Variants in ANTXR2 observed in about 807,000 individuals in gnomAD.
The protein encoded by ANTXR2 is ANTXR cell adhesion molecule 2, also known as anthrax toxin receptor 2.
ANTXR2 carries 44 observed loss-of-function variants against 73.7 expected under a neutral mutation model. That is an observed-to-expected ratio of 0.60 (90% CI 0.47 to 0.77). The LOEUF is 0.77. Among genes scored for constraint, ANTXR2 ranks in the 30% least tolerant of loss-of-function variants. ANTXR2 has a pLI of 0.00. For missense variants in ANTXR2, 604 were observed against 592.5 expected, an observed-to-expected ratio of 1.02 and a Z score of -0.20; for synonymous variants, 217 against 205.9, an observed-to-expected ratio of 1.05 and a Z score of -0.46.
At chr4:79,937,416 G>A (rs1473854730) in intron 16 of ANTXR2, among the ~76,000 whole-genome samples, 4 of 152,114 alleles carry the variant, frequency 2.6e-5, no homozygotes, top group African/African-American at 9.7e-5. Flanking sequence ...TATCTTCATT[G>A]AAAGTTTCAC....
intron 12 of ANTXR2, among the ~76,000 whole-genome samples, chr4:79,994,637 ACT>A (rs1339344606): frequency 1.6e-4 from 24 of 150,078 alleles, no homozygotes; most frequent in Admixed American, 4.0e-4. Context: ...TCTCTCCATA[ACT>A]CTTCCTTTTT....
At position 80,027,387 on chromosome 4, in the gene ANTXR2, T is replaced by C. The variant is rs112739523; in HGVS notation, c.866+4236A>G. ...AAAAAAGTTGAAGAAAATAAAAAGA[T>C]TCTATTATGAAGCCAGGCTCTAACC... On this transcript the variant is annotated intron_variant, in intron 10 of 16. Coordinates refer to ENST00000403729, the MANE Select transcript of ANTXR2 (RefSeq NM_058172.6). Among the ~76,000 whole-genome samples, 1,113 of 152,168 alleles carry C rather than the reference T, an allele frequency of 7.3e-3. 10 individuals are homozygous for C. The highest frequency in any genetic ancestry group is 0.025 in the African/African-American group (1,044 of 41,530).
At chr4:79,929,465 T>C (rs1471944964) in intron 16 of ANTXR2, among the ~76,000 whole-genome samples, 3 of 152,046 alleles carry the variant, frequency 2.0e-5, no homozygotes. Context: ...TGAGCCAAAA[T>C]TGCGCCACTG....
rs2109917757 is a variant in ANTXR2, at chr4:79,903,534, C to G, written c.*3895G>C. 1 of 152,204 alleles carries G rather than the reference C, an allele frequency of 6.6e-6. No homozygotes were observed. Among genetic ancestry groups the G allele is most frequent in the South Asian group, 2.1e-4 (1 of 4,824 alleles). 9.4% of individuals were successfully genotyped at this position (152,204 alleles called of 1,614,324 possible). On this transcript the variant is annotated 3_prime_UTR_variant, in exon 17 of 17. Coordinates refer to ENST00000403729, the MANE Select transcript of ANTXR2 (RefSeq NM_058172.6). ...ATACATTAAAAAACCAGCGCAGAAC[C>G]TGCTACATTATGGATTTTCAAAAAC...
intron 12 of ANTXR2, among the ~76,000 whole-genome samples, chr4:80,003,195 A>G (rs1038683249): frequency 6.6e-6 from 1 of 152,092 alleles, no homozygotes; most frequent in Non-Finnish European, 1.5e-5. Flanking sequence ...GATTAAGAAA[A>G]TGTGGCACAT....
intron 3 of ANTXR2, among the ~76,000 whole-genome samples, chr4:80,057,644 T>C (rs982992012): frequency 1.3e-5 from 2 of 151,964 alleles, no homozygotes; most frequent in Non-Finnish European, 2.9e-5. Context: ...TTCATTACAC[T>C]CTTATTCTGA....
chr4:80,072,466 CGCA>C lies in ANTXR2; in HGVS notation c.92_94del (p.Leu31del). Reference sequence around the variant, plus strand: ...TCTGCAGGAGGGCTGCTCCTGGGCGCGCAGCAGCCCCCCGGGACCGCTGAGCAC... The same window carrying C: ...TCTGCAGGAGGGCTGCTCCTGGGCGCGCAGCCCCCCGGGACCGCTGAGCAC... On this transcript the variant is annotated inframe_deletion, in exon 1 of 17. Coordinates refer to ENST00000403729, the MANE Select transcript of ANTXR2 (RefSeq NM_058172.6). 2 of 1,610,466 alleles carry C rather than the reference CGCA, an allele frequency of 1.2e-6. No individual in the cohort carries two copies. Among genetic ancestry groups the C allele is most frequent in the Non-Finnish European group, 1.7e-6 (2 of 1,178,540 alleles).
intron 16 of ANTXR2, among the ~76,000 whole-genome samples, chr4:79,921,217 A>C (rs932662713): frequency 1.3e-5 from 2 of 152,096 alleles, no homozygotes; most frequent in African/African-American, 4.8e-5. Flanking sequence ...CATTTGCCTT[A>C]TCAAGTTGCT....
intron 16 of ANTXR2, among the ~76,000 whole-genome samples, chr4:79,962,464 GATAATA>G (rs1729182136): frequency 6.6e-6 from 1 of 152,088 alleles, no homozygotes; most frequent in African/African-American, 2.4e-5. Flanking sequence ...AAAGGCCAAA[GATAATA>G]ATAATGAAAG....
Position 79,943,645 on chromosome 4 carries a change from T to C in ANTXR2, c.1428+33976A>G, listed in dbSNP as rs1407882162. Among the ~76,000 whole-genome samples, 7 of 124,038 alleles carry C rather than the reference T, an allele frequency of 5.6e-5. No individual in the cohort carries two copies. The East Asian group carries it at 1.8e-3, about 32-fold the overall frequency. The allele number at this position is 124,038 out of a possible 152,430, so 81.4% of individuals were successfully genotyped here. A position where few individuals can be genotyped will look rare whatever the true frequency, so the allele number is the denominator to read the frequency against. ...GATATACCTAATGCTAGATGACACA[T>C]TAGTGGGTGCAGCGCACCAGCATGG... On this transcript the variant is annotated intron_variant, in intron 16 of 16. Transcript: ENST00000403729.
chr4:79,996,638 CA>C (rs1226628160), intron 12 of ANTXR2, among the ~76,000 whole-genome samples: 2 of 151,734 alleles, frequency 1.3e-5, no homozygotes, highest in Non-Finnish European at 2.9e-5. Flanking sequence ...CCAAAAATGG[CA>C]AAAATCTGTG....
At chr4:80,057,645 C>A (rs964094224) in intron 3 of ANTXR2, among the ~76,000 whole-genome samples, 3 of 151,900 alleles carry the variant, frequency 2.0e-5, no homozygotes, top group Non-Finnish European at 2.9e-5. Context: ...TCATTACACT[C>A]TTATTCTGAG....
chr4:80,047,581 A>G (rs1733575643), intron 7 of ANTXR2, among the ~76,000 whole-genome samples: 1 of 151,600 alleles, frequency 6.6e-6, no homozygotes. Flanking sequence ...CTTGCCCCCA[A>G]CAGAATTGGT....
At chr4:79,966,125 T>TACACAC (rs1560917322) in intron 16 of ANTXR2, among the ~76,000 whole-genome samples, 2 of 18,806 alleles carry the variant, frequency 1.1e-4, no homozygotes, top group South Asian at 3.0e-3. Flanking sequence ...TGCTAGGACT[T>TACACAC]AGACACACAC....
chr4:79,932,901 G>A (rs1369917153), intron 16 of ANTXR2, among the ~76,000 whole-genome samples: 1 of 151,568 alleles, frequency 6.6e-6, no homozygotes, highest in Admixed American at 6.6e-5. Context: ...ATTGCAGAAA[G>A]GATTCCCTTG....
intron 11 of ANTXR2, among the ~76,000 whole-genome samples, chr4:80,009,737 C>T (rs1731478475): frequency 6.6e-6 from 1 of 151,670 alleles, no homozygotes; most frequent in Admixed American, 6.6e-5. Context: ...ATCCCAGCTA[C>T]TCAGGAGGCT....
At chr4:80,046,922 A>G (rs576923481) in intron 7 of ANTXR2, among the ~76,000 whole-genome samples, 1 of 151,898 alleles carries the variant, frequency 6.6e-6, no homozygotes, top group African/African-American at 2.4e-5. Flanking sequence ...CTCATAATGT[A>G]CACCAAATGG....
chr4:79,956,783 A>G (rs1005961203), intron 16 of ANTXR2, among the ~76,000 whole-genome samples: 7 of 151,984 alleles, frequency 4.6e-5, no homozygotes, highest in Admixed American at 1.3e-4. Flanking sequence ...ATGCGCGCGC[A>G]CACACACACA....
At chr4:79,921,648 T>C (rs1727591606) in intron 16 of ANTXR2, among the ~76,000 whole-genome samples, 1 of 152,088 alleles carries the variant, frequency 6.6e-6, no homozygotes, top group Non-Finnish European at 1.5e-5. Flanking sequence ...AGGGCAATTA[T>C]GGATTACTTT....
Sources: gnomAD v4.1 joint callset for allele counts (sites outside exome capture counted in the v4.1 genomes callset) on GRCh38, gnomAD v4.1.1 for gene constraint, MANE v1.5 for transcripts, NCBI Gene and HGNC (gene_info 2026-07-23, HGNC 2026-07-21) for gene names.